UBTD1: variants seen among roughly 807,000 people sequenced by gnomAD.
The protein encoded by UBTD1 is ubiquitin domain-containing protein 1.
In UBTD1, 19 loss-of-function variants were observed where a neutral mutation model predicts 21.7. The ratio of observed to expected loss-of-function variants is 0.87; its 90% CI spans 0.61 to 1.28. The LOEUF is 1.28. Among genes scored for constraint, UBTD1 ranks in the 50% most tolerant of loss-of-function variants. The pLI is 0.00. For synonymous variants in UBTD1, 116 were observed against 135.1 expected (o/e 0.86, Z 0.98); for missense variants, 282 against 315.1 (o/e 0.89, Z 0.80).
intron 1 of UBTD1, among the ~76,000 whole-genome samples, chr10:97,501,267 A>G (rs1319539437): frequency 1.3e-5 from 2 of 152,262 alleles, no homozygotes; most frequent in Non-Finnish European, 2.9e-5. Flanking sequence ...AACTTCTTCC[A>G]GATTTTATAG....
At chr10:97,565,042 A>T (rs564704605) in intron 1 of UBTD1, among the ~76,000 whole-genome samples, 1 of 152,300 alleles carries the variant, frequency 6.6e-6, no homozygotes, top group South Asian at 2.1e-4. Flanking sequence ...ACATGTAATG[A>T]TTGATGTCTT....
chr10:97,565,072 A>G (rs1485463548), intron 1 of UBTD1, among the ~76,000 whole-genome samples: 1 of 152,214 alleles, frequency 6.6e-6, no homozygotes. Flanking sequence ...TAAAACATAT[A>G]AAACCAAGCT....
At chr10:97,525,483 GGA>G (rs1369050157) in intron 1 of UBTD1, among the ~76,000 whole-genome samples, 1 of 152,160 alleles carries the variant, frequency 6.6e-6, no homozygotes, top group Admixed American at 6.5e-5. Flanking sequence ...GGTATCTTCG[GGA>G]GAGAAAACCA....
At chr10:97,518,607 G>A (rs1049233143) in intron 1 of UBTD1, among the ~76,000 whole-genome samples, 5 of 152,204 alleles carry the variant, frequency 3.3e-5, no homozygotes, top group African/African-American at 9.6e-5. Context: ...CTGCCTGCTC[G>A]TTTCCAATCT....
At chr10:97,522,853 C>T (rs1403434009) in intron 1 of UBTD1, among the ~76,000 whole-genome samples, 1 of 152,150 alleles carries the variant, frequency 6.6e-6, no homozygotes, top group Non-Finnish European at 1.5e-5. Flanking sequence ...TGGCTGAGTG[C>T]CACAGAGGAG....
intron 1 of UBTD1, among the ~76,000 whole-genome samples, chr10:97,526,979 C>G (rs1162614504): frequency 6.6e-6 from 1 of 151,936 alleles, no homozygotes. Flanking sequence ...CAAGACCAGC[C>G]TGGGCAACAT....
chr10:97,506,096 C>G (rs542583251), intron 1 of UBTD1, among the ~76,000 whole-genome samples: 1 of 152,078 alleles, frequency 6.6e-6, no homozygotes, highest in Non-Finnish European at 1.5e-5. Flanking sequence ...ACAAAAGGTT[C>G]TTTCTCTCAA....
intron 1 of UBTD1, among the ~76,000 whole-genome samples, chr10:97,531,366 A>C (rs552801691): frequency 6.6e-6 from 1 of 151,848 alleles, no homozygotes; most frequent in East Asian, 1.9e-4. Context: ...GTGCACCACC[A>C]CGCCTGGCTA....
intron 1 of UBTD1, among the ~76,000 whole-genome samples, chr10:97,541,297 G>A (rs762757410): frequency 1.3e-5 from 2 of 152,006 alleles, no homozygotes; most frequent in Non-Finnish European, 2.9e-5. Context: ...GGCAACACAG[G>A]CAGATCTCAT....
chr10:97,514,591 G>C (rs942919148), intron 1 of UBTD1, among the ~76,000 whole-genome samples: 3 of 152,126 alleles, frequency 2.0e-5, no homozygotes, highest in Non-Finnish European at 4.4e-5. Context: ...ATGCAGGCAG[G>C]GTCACCTCGG....
At chr10:97,525,576 A>C (rs2040484879) in intron 1 of UBTD1, among the ~76,000 whole-genome samples, 1 of 152,210 alleles carries the variant, frequency 6.6e-6, no homozygotes. Context: ...AGTGAGTGAG[A>C]GAACAGGTCC....
chr10:97,570,985 G>T lies in UBTD1; in HGVS notation c.*462G>T, dbSNP rs2040746868. 1 of 161,744 alleles carries T rather than the reference G, an allele frequency of 6.2e-6. No homozygotes were observed. Among genetic ancestry groups the T allele is most frequent in the Non-Finnish European group, 1.4e-5 (1 of 72,774 alleles). 10.0% of individuals were successfully genotyped at this position (161,744 alleles called of 1,614,324 possible). ...AACCACCCGTGAGCCCCAGGGCTTG[G>T]GAAGCCTGAGGCGGGCCTCTGCCTC... On this transcript the variant is annotated 3_prime_UTR_variant, in exon 3 of 3. Coordinates refer to ENST00000370664, the MANE Select transcript of UBTD1 (RefSeq NM_024954.5). This position sits in a 1 kb window ranked among gnomAD's most constrained non-coding sequence, Gnocchi z 6.6.
rs1380905031 is a variant in UBTD1 at position 97,570,505 on chromosome 10, C to T, written c.666C>T (p.Pro222=). 1 of 1,607,798 alleles carries T rather than the reference C, an allele frequency of 6.2e-7. No homozygotes were observed. Among genetic ancestry groups the T allele is most frequent in the Non-Finnish European group, 8.5e-7 (1 of 1,176,310 alleles). ...TCATCCAGGTCATCATCAACCAGCC[C>T]CCACCACCCCAGGACTGATGGGCCC... is the stretch of plus-strand genomic sequence containing the variant. ...DFVIQVIINQ[P]PPPQD is the part of the protein sequence containing the mutation. The change falls in exon 3 of 3, where the codon CCC becomes CCT. Residue 222 remains proline (P), a synonymous_variant. Transcript: ENST00000370664. The surrounding 1 kb of genome is among the most constrained non-coding windows in gnomAD (Gnocchi z 6.6).
chr10:97,562,812 A>G (rs1031572865), intron 1 of UBTD1, among the ~76,000 whole-genome samples: 2 of 152,010 alleles, frequency 1.3e-5, no homozygotes, highest in African/African-American at 4.8e-5. Flanking sequence ...AGGTCACAGG[A>G]CATATGATGG....
At chr10:97,545,431 GGT>G (rs10609684) in intron 1 of UBTD1, among the ~76,000 whole-genome samples, 139,268 of 148,696 alleles carry the variant, frequency 0.94, 65,334 homozygotes, top group Non-Finnish European at 0.97. Flanking sequence ...TGTGTGTGTG[GGT>G]GTGTGTGTGT....
intron 1 of UBTD1, among the ~76,000 whole-genome samples, chr10:97,506,539 C>T (rs923824327): frequency 6.6e-6 from 1 of 151,668 alleles, no homozygotes; most frequent in Non-Finnish European, 1.5e-5. Context: ...GCAAATTTTT[C>T]AGTCTATAGT....
chr10:97,561,705 G>A (rs1372119679), intron 1 of UBTD1, among the ~76,000 whole-genome samples: 4 of 151,716 alleles, frequency 2.6e-5, no homozygotes, highest in Non-Finnish European at 5.9e-5. Flanking sequence ...GCCTGGCGCC[G>A]GGCTGCCTGT....
intron 1 of UBTD1, among the ~76,000 whole-genome samples, chr10:97,551,390 A>C (rs2040636763): frequency 6.6e-6 from 1 of 151,624 alleles, no homozygotes; most frequent in Non-Finnish European, 1.5e-5. Context: ...AAAAAAGTTT[A>C]AACAAAAAAT....
chr10:97,511,891 A>G (rs2040424503), intron 1 of UBTD1, among the ~76,000 whole-genome samples: 1 of 152,140 alleles, frequency 6.6e-6, no homozygotes, highest in African/African-American at 2.4e-5. Context: ...ATTTATGTCC[A>G]TTTTACAGAT....
Sources: gnomAD v4.1 joint callset for allele counts (sites outside exome capture counted in the v4.1 genomes callset) on GRCh38, gnomAD v4.1.1 for gene constraint, Gnocchi (gnomAD v3.1) non-coding constraint, MANE v1.5 for transcripts, NCBI Gene and HGNC (gene_info 2026-07-23, HGNC 2026-07-21) for gene names.